The following TNNI3K variants were observed in gnomAD, a reference collection of about 807,000 sequenced individuals.
TNNI3K encodes the protein TNNI3 interacting kinase.
In TNNI3K, 140 loss-of-function variants were observed where a neutral mutation model predicts 114.5. The observed-to-expected ratio is 1.22, with a 90% CI of 1.07 to 1.41. The LOEUF (loss-of-function observed/expected upper bound fraction) is 1.41. Among genes scored for constraint, TNNI3K ranks in the 40% most tolerant of loss-of-function variants. TNNI3K has a pLI of 0.00. For synonymous variants in TNNI3K, 347 were observed against 347.5 expected (o/e 1.00, Z 0.02); for missense variants, 1,125 against 1,007.6 (o/e 1.12, Z -1.58).
rs1369570973 is a variant in TNNI3K, at chr1:74,391,957, A to ATTATTTTTTTTTT, written c.1772+21567_1772+21568insATTTTTTTTTTTT. Among the ~76,000 whole-genome samples, 737 of 92,924 alleles carry ATTATTTTTTTTTT rather than the reference A, an allele frequency of 7.9e-3. 19 individuals carry two copies. Among genetic ancestry groups the ATTATTTTTTTTTT allele is most frequent in the Non-Finnish European group, 0.012 (533 of 45,680 alleles). The allele number at this position is 92,924 out of a possible 152,430, so 61.0% of individuals were successfully genotyped here. A position where few individuals can be genotyped will look rare whatever the true frequency, so the allele number is the denominator to read the frequency against. The stretch of plus-strand genomic sequence containing the variant: ...TTGATTTAGGATGGTACAGCTTATT[A>ATTATTTTTTTTTT]TTTTTTTTTTTTTTTTTTTTTTTTT... On this transcript the variant is annotated intron_variant, in intron 17 of 24. Transcript: ENST00000326637.
chr1:74,407,946 C>CCATAATGTCACTCG (rs1553142580), intron 17 of TNNI3K, among the ~76,000 whole-genome samples: 1 of 152,086 alleles, frequency 6.6e-6, no homozygotes, highest in African/African-American at 2.4e-5. Flanking sequence ...TTTCAAAGTT[C>CCATAATGTCACTCG]CATAATGTCA....
chr1:74,458,617 T>C lies in TNNI3K; in HGVS notation c.2012-4824T>C, dbSNP rs1465621438. 3.3e-5 allele frequency among the ~76,000 whole-genome samples: 5 copies of C among 152,226 alleles called. No individual in the cohort carries two copies. In the East Asian group the frequency reaches 9.6e-4, roughly 29 times the overall value. On this transcript the variant is annotated intron_variant, in intron 20 of 24. Coordinates refer to ENST00000326637, the MANE Select transcript of TNNI3K (RefSeq NM_015978.3). ...TGGCTAGGCATTGTGCCCTATTCTC[T>C]AAACATAATAATGAATAAGATATTT...
chr1:74,493,855 G>T (rs985653516), intron 23 of TNNI3K, among the ~76,000 whole-genome samples: 1 of 152,164 alleles, frequency 6.6e-6, no homozygotes, highest in Non-Finnish European at 1.5e-5. Flanking sequence ...CATTCCATTG[G>T]CAAGTTTCAC....
intron 17 of TNNI3K, among the ~76,000 whole-genome samples, chr1:74,405,994 C>A (rs1016088584): frequency 6.6e-5 from 10 of 152,346 alleles, no homozygotes; most frequent in African/African-American, 2.4e-4. Flanking sequence ...TCTCACAGCT[C>A]TATAGGTTAA....
intron 17 of TNNI3K, among the ~76,000 whole-genome samples, chr1:74,388,002 G>A (rs1456450093): frequency 6.6e-6 from 1 of 152,116 alleles, no homozygotes; most frequent in Non-Finnish European, 1.5e-5. Context: ...ACTTAAGGCC[G>A]GGCATGGCAG....
chr1:74,376,508 G>A (rs1156727089), intron 17 of TNNI3K: 2 of 151,906 alleles, frequency 1.3e-5, no homozygotes, highest in Non-Finnish European at 2.9e-5. Flanking sequence ...ACTTATAAAA[G>A]TCCTGCAAGA....
chr1:74,300,914 T>A (rs1658285563), intron 5 of TNNI3K, among the ~76,000 whole-genome samples: 1 of 152,140 alleles, frequency 6.6e-6, no homozygotes. Context: ...TTATGTTGTT[T>A]TGGGGGAAAT....
intron 17 of TNNI3K, among the ~76,000 whole-genome samples, chr1:74,378,148 T>A (rs1361873899): frequency 6.6e-6 from 1 of 152,024 alleles, no homozygotes; most frequent in Non-Finnish European, 1.5e-5. Context: ...GGGCTACCTG[T>A]AGTTCTGAAA....
intron 23 of TNNI3K, among the ~76,000 whole-genome samples, chr1:74,504,037 A>G (rs1669766849): frequency 6.6e-6 from 1 of 152,232 alleles, no homozygotes; most frequent in African/African-American, 2.4e-5. Context: ...CTATATTTAC[A>G]TAACACCTCT....
At chr1:74,243,458 A>G (rs1480222096) in intron 2 of TNNI3K, among the ~76,000 whole-genome samples, 1 of 152,156 alleles carries the variant, frequency 6.6e-6, no homozygotes, top group African/African-American at 2.4e-5. Flanking sequence ...CCTTCTTTCT[A>G]CATTCTTGGC....
At chr1:74,384,415 A>G (rs1663369463) in intron 17 of TNNI3K, among the ~76,000 whole-genome samples, 1 of 152,166 alleles carries the variant, frequency 6.6e-6, no homozygotes, top group African/African-American at 2.4e-5. Flanking sequence ...TCGTTTTGCA[A>G]TGTAGCTATA....
At chr1:74,501,857 G>C (rs1205142630) in intron 23 of TNNI3K, among the ~76,000 whole-genome samples, 1 of 151,976 alleles carries the variant, frequency 6.6e-6, no homozygotes, top group Non-Finnish European at 1.5e-5. Flanking sequence ...TGGGCTGGCA[G>C]ATGAGACTTC....
intron 23 of TNNI3K, among the ~76,000 whole-genome samples, chr1:74,511,188 C>T (rs939007445): frequency 2.9e-4 from 36 of 123,960 alleles, no homozygotes; most frequent in African/African-American, 1.1e-3. Flanking sequence ...GCTACCGTGC[C>T]CGGCCTATTT....
At chr1:74,426,529 T>C (rs1665648903) in intron 17 of TNNI3K, among the ~76,000 whole-genome samples, 1 of 152,050 alleles carries the variant, frequency 6.6e-6, no homozygotes, top group Non-Finnish European at 1.5e-5. Context: ...CAGGGTCTTC[T>C]AACAGGAAAC....
chr1:74,481,213 A>G (rs1347896818), intron 21 of TNNI3K, among the ~76,000 whole-genome samples: 1 of 152,196 alleles, frequency 6.6e-6, no homozygotes, highest in African/African-American at 2.4e-5. Context: ...ACATAAACCC[A>G]TCTGTTACTT....
intron 5 of TNNI3K, among the ~76,000 whole-genome samples, chr1:74,328,465 A>G (rs79481048): frequency 0.015 from 2,293 of 152,202 alleles, 50 homozygotes; most frequent in African/African-American, 0.05. Flanking sequence ...TCTCCCCATC[A>G]TTACTCCAAA....
chr1:74,526,796 G>C (rs563994705), intron 23 of TNNI3K, among the ~76,000 whole-genome samples: 1 of 152,162 alleles, frequency 6.6e-6, no homozygotes, highest in Non-Finnish European at 1.5e-5. Context: ...AGAGCAACAC[G>C]TATAGGACTT....
intron 23 of TNNI3K, among the ~76,000 whole-genome samples, chr1:74,515,103 C>A (rs1646330346): frequency 6.6e-6 from 1 of 152,054 alleles, no homozygotes; most frequent in African/African-American, 2.4e-5. Flanking sequence ...TCAGAAAGAA[C>A]CAACCTTGCC....
chr1:74,352,919 G>A (rs1237608269), intron 9 of TNNI3K, among the ~76,000 whole-genome samples: 3 of 152,158 alleles, frequency 2.0e-5, no homozygotes, highest in African/African-American at 7.2e-5. Flanking sequence ...CGCTTCCCAG[G>A]TGAGGCAATG....
Sources: gnomAD v4.1 joint callset for allele counts (sites outside exome capture counted in the v4.1 genomes callset) on GRCh38, gnomAD v4.1.1 for gene constraint, MANE v1.5 for transcripts, NCBI Gene and HGNC (gene_info 2026-07-23, HGNC 2026-07-21) for gene names.